Variants in HERC4 observed in about 807,000 individuals in gnomAD.
HERC4 encodes the protein probable E3 ubiquitin-protein ligase HERC4.
Under a neutral mutation model 124.3 loss-of-function variants are expected in HERC4, and 28 were observed. That is an observed-to-expected ratio of 0.23 (90% confidence interval 0.17 to 0.31). The LOEUF is 0.31. Ranked by LOEUF, HERC4 falls within the 10% of genes least tolerant of loss-of-function variation. The pLI is 1.00. For synonymous variants in HERC4, 407 were observed against 421.5 expected, an observed-to-expected ratio of 0.97 and a Z score of 0.42; for missense variants, 713 against 1,229.3, an observed-to-expected ratio of 0.58 and a Z score of 6.28.
intron 4 of HERC4, among the ~76,000 whole-genome samples, chr10:68,042,802 A>T (rs1352073174): frequency 6.6e-6 from 1 of 152,162 alleles, no homozygotes; most frequent in Non-Finnish European, 1.5e-5. Context: ...TTCCTTTTAT[A>T]AAAAAACATT....
At chr10:67,995,915 A>T (rs2036847562) in intron 9 of HERC4, 1 of 204,438 alleles carries the variant, frequency 4.9e-6, no homozygotes, top group African/African-American at 2.4e-5. Context: ...TTATCTAAAG[A>T]ACAGTGATGC....
At position 67,990,379 on chromosome 10, in the gene HERC4, T is replaced by A; in HGVS notation, c.1465A>T (p.Asn489Tyr). Residue 489 changes from asparagine to tyrosine, a missense_variant, in exon 14 of 25, where the codon AAT (asparagine) becomes TAT (tyrosine). Coordinates refer to ENST00000373700, the MANE Select transcript of HERC4 (RefSeq NM_015601.4). ...SQQVAASLEK[N>Y]LIPKLTSSLP... The stretch of plus-strand genomic sequence containing the variant: ...GAGCTAGTCAGTTTAGGAATAAGAT[T>A]CTTTTCCAAACTAGCTGCCACCTAT... 1 of 1,560,640 alleles carries A rather than the reference T, an allele frequency of 6.4e-7. No individual in the cohort carries two copies. The highest frequency in any genetic ancestry group is 8.7e-7 in the Non-Finnish European group (1 of 1,149,964).
chr10:68,069,354 A>G (rs1399376756), intron 3 of HERC4: 1 of 984,114 alleles, frequency 1.0e-6, no homozygotes, highest in African/African-American at 1.7e-5. Flanking sequence ...TGAAAGTGAA[A>G]CAGACATTCA....
intron 24 of HERC4, among the ~76,000 whole-genome samples, chr10:67,923,385 A>G (rs766352875): frequency 1.2e-4 from 18 of 152,208 alleles, no homozygotes; most frequent in Non-Finnish European, 2.2e-4. Flanking sequence ...AATGTTTGAT[A>G]AGTGAGTATT....
At chr10:68,052,137 C>T (rs574391) in intron 3 of HERC4, among the ~76,000 whole-genome samples, 80,889 of 151,994 alleles carry the variant, frequency 0.53, 25,537 homozygotes, top group African/African-American at 0.86. Context: ...AAATTGCCTT[C>T]TGAATTCATT....
At chr10:67,928,563 C>T (rs1022283341) in intron 23 of HERC4, among the ~76,000 whole-genome samples, 7 of 152,190 alleles carry the variant, frequency 4.6e-5, no homozygotes, top group Admixed American at 1.3e-4. Flanking sequence ...GTCCAACCTT[C>T]ATCCCTGCCA....
intron 3 of HERC4, among the ~76,000 whole-genome samples, chr10:68,058,949 C>T (rs2040689916): frequency 6.6e-6 from 1 of 151,980 alleles, no homozygotes; most frequent in South Asian, 2.1e-4. Context: ...ACTTCTTTTC[C>T]CACCTCTACA....
intron 18 of HERC4, 53 bp from the exon 19 acceptor site, chr10:67,954,791 T>C: frequency 6.5e-7 from 1 of 1,548,048 alleles, no homozygotes; most frequent in Non-Finnish European, 8.9e-7. Flanking sequence ...TGAAAGTACA[T>C]TCTGGAGACC....
At chr10:68,051,330 ATG>A (rs1359441649) in intron 3 of HERC4, among the ~76,000 whole-genome samples, 1 of 150,666 alleles carries the variant, frequency 6.6e-6, no homozygotes, top group Non-Finnish European at 1.5e-5. Flanking sequence ...ATATGGCAAA[ATG>A]TTAACACTAT....
At chr10:67,989,933 G>A (rs562016098) in intron 14 of HERC4, among the ~76,000 whole-genome samples, 3 of 152,186 alleles carry the variant, frequency 2.0e-5, no homozygotes, top group Admixed American at 6.5e-5. Context: ...TAAAGGCGAT[G>A]AGGGAAAGGA....
intron 9 of HERC4, chr10:67,995,090 G>A (rs2036786593): frequency 6.4e-6 from 2 of 312,848 alleles, no homozygotes; most frequent in South Asian, 5.5e-5. Context: ...TTATCTTTGT[G>A]GTTTCTCCTA....
chr10:67,938,421 G>C (rs1224461855), intron 21 of HERC4, among the ~76,000 whole-genome samples: 1 of 147,872 alleles, frequency 6.8e-6, no homozygotes, highest in Non-Finnish European at 1.5e-5. Flanking sequence ...AGACTGGGCA[G>C]AGCAAGATTC....
intron 9 of HERC4, chr10:67,992,916 T>C: frequency 2.7e-6 from 1 of 372,980 alleles, no homozygotes; most frequent in Non-Finnish European, 4.8e-6. Flanking sequence ...TTTACAAGCC[T>C]TTCTTCTGCC....
In HERC4 at chr10:67,974,190, C is replaced by T. The variant is rs372261160; in HGVS notation, c.1807-7388G>A. On this transcript the variant is annotated intron_variant, in intron 15 of 24. Transcript: ENST00000373700. ...GTAATGGCAGGACTGTCAAGTTACT[C>T]GAGAAACGTTTGCCTCAGAGACATA... Among the ~76,000 whole-genome samples, 4 of 150,050 alleles carry T rather than the reference C, an allele frequency of 2.7e-5. No homozygotes were observed. In the East Asian group the frequency reaches 5.9e-4, roughly 22 times the overall value.
intron 16 of HERC4, among the ~76,000 whole-genome samples, chr10:67,963,360 G>C (rs998223530): frequency 6.6e-6 from 1 of 152,130 alleles, no homozygotes; most frequent in African/African-American, 2.4e-5. Context: ...GGGATTACAG[G>C]TGCCCGCCAC....
At chr10:68,073,530 T>G (rs1224523367) in intron 2 of HERC4, 127 bp downstream of exon 2, 1 of 162,042 alleles carries the variant, frequency 6.2e-6, no homozygotes, top group Non-Finnish European at 1.3e-5. Context: ...TTTAAATAAT[T>G]TCAATGGGAA....
intron 3 of HERC4, among the ~76,000 whole-genome samples, chr10:68,071,159 A>T (rs757259675): frequency 7.2e-5 from 11 of 152,170 alleles, no homozygotes; most frequent in Non-Finnish European, 1.2e-4. Context: ...CCAACTTTAC[A>T]TTACCAAATA....
chr10:67,984,839 C>T (rs1181939538), intron 15 of HERC4, among the ~76,000 whole-genome samples: 1 of 152,168 alleles, frequency 6.6e-6, no homozygotes, highest in Non-Finnish European at 1.5e-5. Context: ...CGGCCTCAGC[C>T]TCGCAAAGTG....
intron 3 of HERC4, among the ~76,000 whole-genome samples, chr10:68,059,525 A>ACT (rs1363368197): frequency 4.5e-5 from 5 of 110,074 alleles, no homozygotes; most frequent in East Asian, 2.6e-4. Flanking sequence ...ATATCATAAT[A>ACT]ATATTATATA....
Sources: gnomAD v4.1 joint callset for allele counts (sites outside exome capture counted in the v4.1 genomes callset) on GRCh38, gnomAD v4.1.1 for gene constraint, MANE v1.5 for transcripts, NCBI Gene and HGNC (gene_info 2026-07-23, HGNC 2026-07-21) for gene names.